KCNMB2: variants seen among roughly 807,000 people sequenced by gnomAD.
KCNMB2 encodes potassium calcium-activated channel subfamily M regulatory beta subunit 2, also known as calcium-activated potassium channel subunit beta-2.
In KCNMB2, 9 loss-of-function variants were observed where a neutral mutation model predicts 24.5. That is an observed-to-expected ratio of 0.37 (90% CI 0.22 to 0.64). The LOEUF is 0.64. Ranked by LOEUF, KCNMB2 falls within the 30% of genes least tolerant of loss-of-function variation. KCNMB2 has a pLI of 0.63. For synonymous variants in KCNMB2, 109 were observed against 104.4 expected, an observed-to-expected ratio of 1.04 and a Z score of -0.27; for missense variants, 226 against 284.3, an observed-to-expected ratio of 0.79 and a Z score of 1.47.
At chr3:178,572,451 A>C (rs1466704121) in intron 1 of KCNMB2, among the ~76,000 whole-genome samples, 3 of 152,246 alleles carry the variant, frequency 2.0e-5, no homozygotes, top group Non-Finnish European at 2.9e-5. Context: ...AAAGATTATC[A>C]AGAATCTCCA....
chr3:178,547,183 T>C (rs1200590998), intron 1 of KCNMB2, among the ~76,000 whole-genome samples: 1 of 152,164 alleles, frequency 6.6e-6, no homozygotes, highest in East Asian at 1.9e-4. Context: ...CACTTCTCTC[T>C]TATGTGTGTG....
chr3:178,648,950 T>C (rs928663143), intron 1 of KCNMB2, among the ~76,000 whole-genome samples: 2 of 152,236 alleles, frequency 1.3e-5, no homozygotes, highest in Admixed American at 6.5e-5. Context: ...TGCACTTCTC[T>C]AATAAGTGTG....
intron 1 of KCNMB2, among the ~76,000 whole-genome samples, chr3:178,679,053 T>C: frequency 1.4e-5 from 1 of 73,412 alleles, no homozygotes; most frequent in Non-Finnish European, 3.0e-5. Context: ...TTTTGTTTTG[T>C]TTTTGTTTTT....
chr3:178,581,611 C>CTATA (rs1381760836), intron 1 of KCNMB2, among the ~76,000 whole-genome samples: 4 of 152,120 alleles, frequency 2.6e-5, no homozygotes, highest in Non-Finnish European at 5.9e-5. Context: ...TTTTTACAAT[C>CTATA]TATACATCTG....
intron 1 of KCNMB2, among the ~76,000 whole-genome samples, chr3:178,783,173 C>A (rs1413300683): frequency 6.6e-6 from 1 of 152,088 alleles, no homozygotes; most frequent in Non-Finnish European, 1.5e-5. Flanking sequence ...GTACCAGTAC[C>A]ATGCTGTTTT....
At chr3:178,619,820 G>A (rs1417116249) in intron 1 of KCNMB2, among the ~76,000 whole-genome samples, 1 of 152,040 alleles carries the variant, frequency 6.6e-6, no homozygotes, top group Admixed American at 6.5e-5. Context: ...TGTTTCTTGT[G>A]GGCAGAATAA....
rs569983212 is a variant in KCNMB2 at position 178,670,686 on chromosome 3, G to A, written c.-68+133975G>A. Among the ~76,000 whole-genome samples the A allele has an allele frequency of 9.9e-5, 15 of 152,168 alleles. 1 individual carries two copies. The South Asian group carries it at 1.9e-3, about 19-fold the overall frequency. ...CATTCAGTTCTTAAGTTTTGAATCC[G>A]GGCTTTGAACCAGGTCATCTGACTG... On this transcript the variant is annotated intron_variant, in intron 1 of 4. Coordinates refer to ENST00000452583, the MANE Select transcript of KCNMB2 (RefSeq NM_181361.3).
chr3:178,587,213 T>G (rs1004972454), intron 1 of KCNMB2, among the ~76,000 whole-genome samples: 1 of 152,162 alleles, frequency 6.6e-6, no homozygotes, highest in Non-Finnish European at 1.5e-5. Flanking sequence ...ATACTACATT[T>G]TCCAATCTAC....
intron 1 of KCNMB2, among the ~76,000 whole-genome samples, chr3:178,542,608 G>A (rs899062867): frequency 3.9e-5 from 6 of 152,132 alleles, no homozygotes; most frequent in Admixed American, 2.6e-4. Context: ...TGTCTTTAAT[G>A]TATTTGATGA....
At chr3:178,838,831 T>C (rs1715326612) in intron 4 of KCNMB2, among the ~76,000 whole-genome samples, 2 of 152,172 alleles carry the variant, frequency 1.3e-5, no homozygotes, top group South Asian at 2.1e-4. Flanking sequence ...ACCAATCACA[T>C]TGTAAAAGTC....
intron 1 of KCNMB2, among the ~76,000 whole-genome samples, chr3:178,801,587 G>A (rs977319080): frequency 1.3e-5 from 2 of 152,136 alleles, no homozygotes; most frequent in Non-Finnish European, 2.9e-5. Flanking sequence ...GACATTTAAG[G>A]GGTAGTTAGA....
intron 2 of KCNMB2, among the ~76,000 whole-genome samples, chr3:178,809,404 A>G (rs977406573): frequency 4.6e-5 from 7 of 152,236 alleles, no homozygotes; most frequent in African/African-American, 1.4e-4. Flanking sequence ...TGTGTACTGT[A>G]GGTTTTAATT....
intron 1 of KCNMB2, among the ~76,000 whole-genome samples, chr3:178,741,809 T>C (rs1452956701): frequency 6.6e-6 from 1 of 152,194 alleles, no homozygotes; most frequent in East Asian, 1.9e-4. Flanking sequence ...GAACTTGCCC[T>C]TATGAACTAT....
intron 1 of KCNMB2, among the ~76,000 whole-genome samples, chr3:178,564,277 C>CA (rs11349304): frequency 1.4e-3 from 205 of 144,056 alleles, no homozygotes; most frequent in Middle Eastern, 7.1e-3. Context: ...GACTCCATCT[C>CA]AAAAAAAAAA....
At chr3:178,738,482 C>G (rs1265246321) in intron 1 of KCNMB2, among the ~76,000 whole-genome samples, 1 of 152,206 alleles carries the variant, frequency 6.6e-6, no homozygotes, top group East Asian at 1.9e-4. Flanking sequence ...TCTACATGAC[C>G]TGGCAGCTTC....
intron 1 of KCNMB2, among the ~76,000 whole-genome samples, chr3:178,802,693 A>T (rs1179421952): frequency 6.6e-6 from 1 of 152,300 alleles, no homozygotes; most frequent in East Asian, 1.9e-4. Context: ...AGATCCAGGC[A>T]CCAGTATTTT....
rs903704577 is a variant in KCNMB2, at chr3:178,704,479, A to G, written c.-67-102864A>G. Among the ~76,000 whole-genome samples, 21 of 152,134 alleles carry G rather than the reference A, an allele frequency of 1.4e-4. 1 individual carries two copies. Among genetic ancestry groups the G allele is most frequent in the African/African-American group, 3.6e-4 (15 of 41,444 alleles). ...ATTAAGAATTCCATATTCCTGTCTCACTAGCCATATTTCAAGTGTTCCATT... is the reference window on the plus strand; with the variant it reads ...ATTAAGAATTCCATATTCCTGTCTCGCTAGCCATATTTCAAGTGTTCCATT... On this transcript the variant is annotated intron_variant, in intron 1 of 4. Transcript: ENST00000452583.
chr3:178,671,908 A>G (rs997149770), intron 1 of KCNMB2, among the ~76,000 whole-genome samples: 1 of 152,200 alleles, frequency 6.6e-6, no homozygotes, highest in Non-Finnish European at 1.5e-5. Flanking sequence ...GTAACTATGG[A>G]AACAGGGACA....
chr3:178,612,539 G>A (rs949962747), intron 1 of KCNMB2, among the ~76,000 whole-genome samples: 1 of 152,120 alleles, frequency 6.6e-6, no homozygotes, highest in Non-Finnish European at 1.5e-5. Flanking sequence ...TATTTTGGCT[G>A]AAAGAAGCAT....
Sources: allele counts gnomAD v4.1 joint callset (sites outside exome capture counted in the v4.1 genomes callset), GRCh38; gene constraint gnomAD v4.1.1; transcripts MANE v1.5; gene names NCBI Gene and HGNC (gene_info 2026-07-23, HGNC 2026-07-21).